Variants in SH3KBP1 observed in about 807,000 individuals in gnomAD.
The protein encoded by SH3KBP1 is SH3 domain containing kinase binding protein 1, also known as SH3 domain-containing kinase-binding protein 1.
Under a neutral mutation model 50.1 loss-of-function variants are expected in SH3KBP1, and 8 were observed. That is an observed-to-expected ratio of 0.16 (90% confidence interval 0.09 to 0.29). SH3KBP1 has a LOEUF of 0.29. SH3KBP1 is among the 10% of genes least tolerant of loss of function. The pLI, the probability that SH3KBP1 is intolerant of heterozygous loss-of-function variation, is 1.00. For synonymous variants in SH3KBP1, 227 were observed against 218.6 expected (o/e 1.04, Z -0.34); for missense variants, 377 against 535.2 (o/e 0.70, Z 2.92).
intron 3 of SH3KBP1, among the ~76,000 whole-genome samples, chrX:19,716,190 T>C (rs1471795008): frequency 8.9e-6 from 1 of 112,052 alleles, no homozygotes; most frequent in Non-Finnish European, 1.9e-5. Context: ...ACTGGAAACA[T>C]TTCCACTCGT....
intron 3 of SH3KBP1, among the ~76,000 whole-genome samples, chrX:19,716,677 T>C (rs2063919151): frequency 8.9e-6 from 1 of 111,762 alleles, no homozygotes; most frequent in African/African-American, 3.3e-5. Flanking sequence ...ATTGAGTGCC[T>C]GCTACATGCC....
intron 13 of SH3KBP1, among the ~76,000 whole-genome samples, chrX:19,552,979 C>T (rs777739182): frequency 3.6e-5 from 4 of 111,174 alleles, no homozygotes; most frequent in African/African-American, 9.8e-5. Flanking sequence ...ACAGTGGGTC[C>T]TCCCATGCTG....
chrX:19,646,591 A>C (rs2061994127), intron 6 of SH3KBP1, among the ~76,000 whole-genome samples: 1 of 112,405 alleles, frequency 8.9e-6, no homozygotes, highest in African/African-American at 3.2e-5. Flanking sequence ...CCTTGAACAC[A>C]TGAAGAGGAA....
intron 2 of SH3KBP1, among the ~76,000 whole-genome samples, chrX:19,765,399 C>A (rs1191301576): frequency 9.0e-6 from 1 of 110,678 alleles, no homozygotes; most frequent in Non-Finnish European, 1.9e-5. Flanking sequence ...CCCTTTCCAG[C>A]CTCTAGGGGT....
At position 19,805,596 on chromosome X, in the gene SH3KBP1, C is replaced by T. The variant is rs149246098; in HGVS notation, c.162+30529G>A. 9.6e-3 allele frequency among the ~76,000 whole-genome samples: 1,041 copies of T among 108,617 alleles called. 15 individuals carry two copies. Among genetic ancestry groups the T allele is most frequent in the African/African-American group, 0.032 (961 of 29,664 alleles). 94.3% of individuals were successfully genotyped at this position (108,617 alleles called of 115,157 possible). The stretch of plus-strand genomic sequence containing the variant: ...TCAGCCAAGACTCCCAGAAGTTCTC[C>T]GAACCTGACAGATTTGGGTGCCCCT... On this transcript the variant is annotated intron_variant, in intron 2 of 17. Coordinates refer to ENST00000397821, the MANE Select transcript of SH3KBP1 (RefSeq NM_031892.3).
At chrX:19,629,956 C>T (rs2061540644) in intron 8 of SH3KBP1, among the ~76,000 whole-genome samples, 1 of 112,144 alleles carries the variant, frequency 8.9e-6, no homozygotes, top group South Asian at 3.7e-4. Context: ...TAGATACTCC[C>T]TTTCTGACTA....
intron 6 of SH3KBP1, among the ~76,000 whole-genome samples, chrX:19,682,524 G>A (rs1361268892): frequency 3.6e-5 from 4 of 110,901 alleles, no homozygotes; most frequent in Non-Finnish European, 7.6e-5. Flanking sequence ...TTTCCAAGAT[G>A]GGGACTTGCT....
intron 1 of SH3KBP1, among the ~76,000 whole-genome samples, chrX:19,862,368 A>G (rs1422498324): frequency 1.8e-5 from 2 of 112,291 alleles, no homozygotes; most frequent in African/African-American, 6.5e-5. Flanking sequence ...CTGCCGCTGC[A>G]GACCTTATCT....
chrX:19,804,151 G>A (rs1396394479), intron 2 of SH3KBP1, among the ~76,000 whole-genome samples: 3 of 111,361 alleles, frequency 2.7e-5, no homozygotes, highest in East Asian at 2.8e-4. Flanking sequence ...CAGCCTGGGC[G>A]ACAGAGTGAG....
rs200707424 is a variant in SH3KBP1, at chrX:19,746,379, G to A, written c.225C>T (p.His75=). 1.5e-5 allele frequency: 18 copies of A among 1,204,381 alleles called. No individual in the cohort carries two copies. Among genetic ancestry groups the A allele is most frequent in the Middle Eastern group, 2.3e-4 (1 of 4,360 alleles). ...LTNKAPEKPL[H]EVPSGNSLLS... ...GCAAAGAGTTTCCACTGGGCACTTC[G>A]TGCAGGGGCTTTTCTGGAGCTTTGT... Residue 75 remains histidine (H), a synonymous_variant, in exon 3 of 18, where the codon CAC becomes CAT. Transcript: ENST00000397821.
chrX:19,545,759 C>G (rs980378749), intron 15 of SH3KBP1, among the ~76,000 whole-genome samples, 163 bp downstream of exon 15: 1 of 112,050 alleles, frequency 8.9e-6, no homozygotes, highest in African/African-American at 3.3e-5. Context: ...TGCCTAGTTT[C>G]GGAGACTGCA....
intron 2 of SH3KBP1, among the ~76,000 whole-genome samples, chrX:19,771,592 G>A (rs936714525): frequency 5.4e-5 from 6 of 111,690 alleles, no homozygotes; most frequent in Non-Finnish European, 5.6e-5. Flanking sequence ...AGCTGGGCAC[G>A]GTGGCTCATG....
At chrX:19,866,409 A>G (rs1246978317) in intron 1 of SH3KBP1, among the ~76,000 whole-genome samples, 3 of 111,892 alleles carry the variant, frequency 2.7e-5, no homozygotes, top group Admixed American at 9.5e-5. Context: ...TCAATGCAAA[A>G]GAAACTTCTG....
At chrX:19,546,132 T>A in intron 14 of SH3KBP1, 82 bp from the exon 15 acceptor site, 1 of 1,063,158 alleles carries the variant, frequency 9.4e-7, no homozygotes, top group Non-Finnish European at 1.3e-6. Flanking sequence ...CTGTATGCTT[T>A]AAAAGCACTC....
intron 2 of SH3KBP1, among the ~76,000 whole-genome samples, chrX:19,805,525 TAA>T (rs776692061): frequency 5.5e-4 from 42 of 76,390 alleles, no homozygotes; most frequent in Admixed American, 1.2e-3. Flanking sequence ...GGCTGCATAT[TAA>T]AAAAAAAAAA....
chrX:19,789,254 C>G (rs1351757262), intron 2 of SH3KBP1, among the ~76,000 whole-genome samples: 4 of 111,473 alleles, frequency 3.6e-5, no homozygotes, highest in Non-Finnish European at 7.5e-5. Context: ...ATGGTGACCA[C>G]CACCACTGCC....
At chrX:19,793,313 A>T (rs79388024) in intron 2 of SH3KBP1, among the ~76,000 whole-genome samples, 1,315 of 96,949 alleles carry the variant, frequency 0.014, 53 homozygotes, top group Admixed American at 0.094. Context: ...AGGAAAAAAA[A>T]ATATATATAT....
chrX:19,710,682 A>G (rs774675071), intron 3 of SH3KBP1, among the ~76,000 whole-genome samples: 1 of 111,453 alleles, frequency 9.0e-6, no homozygotes, highest in South Asian at 3.8e-4. Flanking sequence ...ATGTACGTAT[A>G]GGGAAAGACA....
chrX:19,698,621 CTGG>C lies in SH3KBP1; in HGVS notation c.391-2883_391-2881del, dbSNP rs760359594. ...GGCACGATGCTCATTTTTCTGTGAG[CTGG>C]AGCCCTTCATGGGGGTGGTGGGGGT... On this transcript the variant is annotated intron_variant, in intron 4 of 17. Transcript: ENST00000397821. Among the ~76,000 whole-genome samples the C allele has an allele frequency of 5.4e-5, 6 of 112,082 alleles. No homozygotes were observed. The South Asian group carries it at 2.2e-3, about 42-fold the overall frequency.
Sources: allele counts gnomAD v4.1 joint callset (sites outside exome capture counted in the v4.1 genomes callset), GRCh38; gene constraint gnomAD v4.1.1; transcripts MANE v1.5; gene names NCBI Gene and HGNC (gene_info 2026-07-23, HGNC 2026-07-21).